Variants in KCNH8 observed in about 807,000 individuals in gnomAD.
KCNH8 encodes potassium voltage-gated channel subfamily H member 8.
A neutral mutation model predicts 103.6 loss-of-function variants in KCNH8; 70 were observed. The ratio of observed to expected loss-of-function variants is 0.68; its 90% CI spans 0.56 to 0.82. The LOEUF (loss-of-function observed/expected upper bound fraction) is 0.82, where lower values mean the gene tolerates loss of function less well. Ranked by LOEUF, KCNH8 falls within the 40% of genes least tolerant of loss-of-function variation. The pLI is 0.00. For missense variants in KCNH8, 1,217 were observed against 1,329.9 expected (o/e 0.92, Z 1.32); for synonymous variants, 498 against 489.4 (o/e 1.02, Z -0.23).
chr3:19,153,755 C>A (rs2063153631), intron 1 of KCNH8, among the ~76,000 whole-genome samples: 1 of 151,768 alleles, frequency 6.6e-6, no homozygotes, highest in Non-Finnish European at 1.5e-5. Context: ...CCTCAGCCTC[C>A]CAAGTGGCTG....
chr3:19,316,724 T>C (rs1052745697), intron 3 of KCNH8, among the ~76,000 whole-genome samples: 1 of 151,968 alleles, frequency 6.6e-6, no homozygotes, highest in Non-Finnish European at 1.5e-5. Context: ...GTGGAGTTAC[T>C]TCTGAGAATA....
intron 1 of KCNH8, among the ~76,000 whole-genome samples, chr3:19,214,024 C>T (rs1289343080): frequency 1.3e-5 from 2 of 152,168 alleles, no homozygotes; most frequent in African/African-American, 4.8e-5. Flanking sequence ...CTTCTACCAC[C>T]CCCGCCTGCC....
At chr3:19,253,596 G>T in intron 1 of KCNH8, 58 bp from the exon 2 acceptor site, 1 of 1,256,468 alleles carries the variant, frequency 8.0e-7, no homozygotes, top group Non-Finnish European at 1.2e-6. Flanking sequence ...TACAGGAATT[G>T]TGTATAAATT....
chr3:19,417,031 C>T (rs1189465518), intron 7 of KCNH8, among the ~76,000 whole-genome samples: 1 of 151,902 alleles, frequency 6.6e-6, no homozygotes, highest in Non-Finnish European at 1.5e-5. Context: ...ATCATTACCA[C>T]TGATTAGCTT....
At chr3:19,179,979 A>G (rs540365648) in intron 1 of KCNH8, among the ~76,000 whole-genome samples, 48 of 152,130 alleles carry the variant, frequency 3.2e-4, no homozygotes, top group Non-Finnish European at 5.1e-4. Flanking sequence ...GCTTTTATAC[A>G]TGGCCAGAAT....
At chr3:19,250,792 A>G (rs1397945180) in intron 1 of KCNH8, among the ~76,000 whole-genome samples, 1 of 152,112 alleles carries the variant, frequency 6.6e-6, no homozygotes, top group Non-Finnish European at 1.5e-5. Flanking sequence ...ATGTACATGT[A>G]TTTCTTTAAT....
rs1575499474 is a variant in KCNH8, at chr3:19,290,058, G to C, written c.442+8729G>C. ...TTTGGCTCTCTGTTTGTCTGTTATT[G>C]GTGTATAAGAATGCTTGTGATTTTT... On this transcript the variant is annotated intron_variant, in intron 3 of 15. Transcript: ENST00000328405. Among the ~76,000 whole-genome samples the C allele has an allele frequency of 3.3e-5, 5 of 152,146 alleles. No individual in the cohort carries two copies. The South Asian group carries it at 1.0e-3, about 32-fold the overall frequency.
In KCNH8 at chr3:19,444,703, A is replaced by G. The variant is rs1046683030; in HGVS notation, c.1376-5403A>G. On this transcript the variant is annotated intron_variant, in intron 8 of 15. Coordinates refer to ENST00000328405, the MANE Select transcript of KCNH8 (RefSeq NM_144633.3). Reference sequence around the variant, plus strand: ...AAAAGCTTGAAAAAAACACCTCAGAAGTAGATTTCCAATACCTGAGTAGAT... The same window carrying G: ...AAAAGCTTGAAAAAAACACCTCAGAGGTAGATTTCCAATACCTGAGTAGAT... Among the ~76,000 whole-genome samples the G allele has an allele frequency of 2.0e-5, 3 of 152,014 alleles. No individual in the cohort carries two copies. The East Asian group carries it at 5.8e-4, about 29-fold the overall frequency.
At chr3:19,347,467 T>C (rs1482387850) in intron 4 of KCNH8, among the ~76,000 whole-genome samples, 1 of 152,118 alleles carries the variant, frequency 6.6e-6, no homozygotes, top group Non-Finnish European at 1.5e-5. Flanking sequence ...TGGTCTTTTT[T>C]ATTTTTTAAT....
chr3:19,405,924 G>A (rs2066684585), intron 7 of KCNH8, among the ~76,000 whole-genome samples: 1 of 151,920 alleles, frequency 6.6e-6, no homozygotes, highest in Non-Finnish European at 1.5e-5. Context: ...ATATATAAAT[G>A]ATATTTGCAT....
At chr3:19,351,331 A>C (rs1298438518) in intron 5 of KCNH8, among the ~76,000 whole-genome samples, 1 of 152,190 alleles carries the variant, frequency 6.6e-6, no homozygotes, top group Non-Finnish European at 1.5e-5. Flanking sequence ...ATCCAGGAGA[A>C]CTTTCCCAAC....
At chr3:19,456,530 TA>T (rs1215027953) in intron 10 of KCNH8, among the ~76,000 whole-genome samples, 5 of 152,056 alleles carry the variant, frequency 3.3e-5, no homozygotes, top group Admixed American at 6.6e-5. Context: ...TGTTGTTAGT[TA>T]AAATTTGTTA....
chr3:19,222,989 C>A lies in KCNH8; in HGVS notation c.77-30665C>A, dbSNP rs114573612. On this transcript the variant is annotated intron_variant, in intron 1 of 15. Transcript: ENST00000328405. ...GTTTCCTTATTTTATATGTTTTGAGCTCCGGCACAAATATTCTGTGGTGTT... is the reference window on the plus strand; with the variant it reads ...GTTTCCTTATTTTATATGTTTTGAGATCCGGCACAAATATTCTGTGGTGTT... 3.6e-3 allele frequency among the ~76,000 whole-genome samples: 549 copies of A among 152,228 alleles called. 1 individual carries two copies. The highest frequency in any genetic ancestry group is 9.9e-3 in the African/African-American group (410 of 41,530).
chr3:19,506,677 T>C (rs75100775), intron 11 of KCNH8, among the ~76,000 whole-genome samples: 25,755 of 152,018 alleles, frequency 0.17, 3,437 homozygotes, highest in African/African-American at 0.35. Context: ...GTGGCCTCCT[T>C]AGCTTGGAGA....
chr3:19,349,920 C>A (rs150324265), intron 5 of KCNH8, among the ~76,000 whole-genome samples: 5 of 152,002 alleles, frequency 3.3e-5, no homozygotes, highest in African/African-American at 7.2e-5. Flanking sequence ...GGAATGAAAA[C>A]CCATTCCAAT....
chr3:19,332,713 A>C (rs1434166480), intron 3 of KCNH8, among the ~76,000 whole-genome samples: 1 of 151,786 alleles, frequency 6.6e-6, no homozygotes, highest in Non-Finnish European at 1.5e-5. Context: ...GCTCACTGCA[A>C]CTTCTGCCCT....
At chr3:19,179,901 GAC>G (rs1199003634) in intron 1 of KCNH8, among the ~76,000 whole-genome samples, 2 of 152,024 alleles carry the variant, frequency 1.3e-5, no homozygotes, top group Non-Finnish European at 2.9e-5. Context: ...TTTTTCAAGA[GAC>G]ACCCTAGTAA....
chr3:19,516,928 T>C (rs1335996892), intron 14 of KCNH8, among the ~76,000 whole-genome samples: 3 of 152,048 alleles, frequency 2.0e-5, no homozygotes, highest in Admixed American at 2.0e-4. Context: ...TGGCTTTCTA[T>C]TGCCCTTAGT....
intron 1 of KCNH8, among the ~76,000 whole-genome samples, chr3:19,166,995 T>G (rs970505741): frequency 1.3e-5 from 2 of 152,234 alleles, no homozygotes; most frequent in Non-Finnish European, 2.9e-5. Context: ...TGAGGTTATA[T>G]CCAGCCTCCT....
Sources: allele counts gnomAD v4.1 joint callset (sites outside exome capture counted in the v4.1 genomes callset), GRCh38; gene constraint gnomAD v4.1.1; transcripts MANE v1.5; gene names NCBI Gene and HGNC (gene_info 2026-07-23, HGNC 2026-07-21).